EPB41L2: variants seen among roughly 807,000 people sequenced by gnomAD.
The protein encoded by EPB41L2 is band 4.1-like protein 2.
In EPB41L2, 43 loss-of-function variants were observed where a neutral mutation model predicts 113.0. The observed-to-expected ratio is 0.38, with a 90% CI of 0.30 to 0.49. EPB41L2 has a LOEUF of 0.49. Ranked by LOEUF, EPB41L2 falls within the 20% of genes least tolerant of loss-of-function variation. The pLI is 0.95. For missense variants in EPB41L2, 1,147 were observed against 1,223.4 expected (o/e 0.94, Z 0.93); for synonymous variants, 442 against 436.7 (o/e 1.01, Z -0.15).
At chr6:130,891,427 A>AC (rs200852771) in intron 10 of EPB41L2, among the ~76,000 whole-genome samples, 48 of 101,222 alleles carry the variant, frequency 4.7e-4, no homozygotes, top group East Asian at 4.7e-3. Context: ...TTATTTATTT[A>AC]TTTACTTACT....
chr6:130,925,574 C>G (rs1804455928), intron 4 of EPB41L2, among the ~76,000 whole-genome samples: 1 of 152,172 alleles, frequency 6.6e-6, no homozygotes, highest in African/African-American at 2.4e-5. Flanking sequence ...TGTCCCTCTA[C>G]TTTACAAAGA....
chr6:130,907,004 A>G (rs1797925423), intron 5 of EPB41L2, among the ~76,000 whole-genome samples: 2 of 152,168 alleles, frequency 1.3e-5, no homozygotes, highest in Non-Finnish European at 2.9e-5. Flanking sequence ...AAAACATAAG[A>G]ACATGATTCA....
At chr6:130,984,312 A>G (rs771613871) in intron 1 of EPB41L2, among the ~76,000 whole-genome samples, 1 of 152,254 alleles carries the variant, frequency 6.6e-6, no homozygotes, top group Non-Finnish European at 1.5e-5. Context: ...AATGATAAAA[A>G]GTATAGTAAA....
intron 11 of EPB41L2, among the ~76,000 whole-genome samples, chr6:130,885,805 C>T (rs1176929936): frequency 2.6e-5 from 4 of 152,154 alleles, no homozygotes; most frequent in Non-Finnish European, 5.9e-5. Flanking sequence ...ATTTTAACTT[C>T]TATATTTATG....
At chr6:130,939,415 G>A (rs1037491697) in intron 3 of EPB41L2, among the ~76,000 whole-genome samples, 11 of 151,934 alleles carry the variant, frequency 7.2e-5, no homozygotes, top group East Asian at 5.8e-4. Context: ...CACCAAGCCC[G>A]GCTAATTTTT....
Position 130,869,949 on chromosome 6 carries a change from T to G in EPB41L2, c.2221A>C (p.Ser741Arg). ...TCACTCTCACTGCTGCTGCTGCTGC[T>G]CTCAGAAGACAGGGAGGTGGAGTCT... ...QKDSTSLSSESSSSSSESEEE... is the reference protein window; with the variant it reads ...QKDSTSLSSERSSSSSESEEE... The change falls in exon 15 of 20, where the codon AGC becomes CGC. Residue 741 changes from serine (S) to arginine (R), a missense_variant. Coordinates refer to ENST00000337057, the MANE Select transcript of EPB41L2 (RefSeq NM_001431.4). The G allele has an allele frequency of 6.2e-7, 1 of 1,613,468 alleles. No homozygotes were observed. The highest frequency in any genetic ancestry group is 2.2e-5 in the East Asian group (1 of 44,876).
rs186751927 is a variant in EPB41L2, at chr6:130,963,408, T to C, written c.-14-6909A>G. 1.2e-4 allele frequency among the ~76,000 whole-genome samples: 18 copies of C among 152,298 alleles called. No homozygotes were observed. In the East Asian group the frequency reaches 2.9e-3, roughly 24 times the overall value. On this transcript the variant is annotated intron_variant, in intron 1 of 19. Transcript: ENST00000337057. ...TGATGTTCAATTTTTAAAAACCTAA[T>C]ACTTGAGTTAATATTAGTGAGATAA...
chr6:130,869,335 G>A (rs1784889186), intron 15 of EPB41L2, among the ~76,000 whole-genome samples: 1 of 152,178 alleles, frequency 6.6e-6, no homozygotes, highest in Non-Finnish European at 1.5e-5. Context: ...GGTGCTTCTA[G>A]GAAAGTTTAC....
chr6:130,844,880 T>C (rs538578368), intron 19 of EPB41L2, among the ~76,000 whole-genome samples: 1 of 151,464 alleles, frequency 6.6e-6, no homozygotes, highest in Admixed American at 6.6e-5. Flanking sequence ...CAATCTCTAC[T>C]AAAGACATAA....
intron 1 of EPB41L2, among the ~76,000 whole-genome samples, chr6:131,021,191 T>C (rs1789398072): frequency 1.3e-5 from 2 of 152,228 alleles, no homozygotes; most frequent in South Asian, 4.1e-4. Flanking sequence ...AAGGAGCTCA[T>C]GCAGAAGAAT....
At chr6:131,044,479 C>T (rs1366702652) in intron 1 of EPB41L2, among the ~76,000 whole-genome samples, 1 of 152,068 alleles carries the variant, frequency 6.6e-6, no homozygotes, top group African/African-American at 2.4e-5. Context: ...AAAGTAGAAT[C>T]GTGGTAAACA....
chr6:130,939,874 T>A (rs1187266692), intron 3 of EPB41L2, among the ~76,000 whole-genome samples: 2 of 152,230 alleles, frequency 1.3e-5, no homozygotes, highest in Non-Finnish European at 2.9e-5. Flanking sequence ...ATCGTTCAAC[T>A]TTTATTAAGT....
At chr6:130,854,001 G>A (rs997788479) in intron 19 of EPB41L2, among the ~76,000 whole-genome samples, 16 of 152,174 alleles carry the variant, frequency 1.1e-4, no homozygotes, top group African/African-American at 3.1e-4. Context: ...CCAGTGGGGG[G>A]TGGAGATGCC....
rs71030723 is a variant in EPB41L2, at chr6:130,974,717, C to CTTTTTTTTTTTTTTTTTTTT, written c.-14-18238_-14-18219dup. ...GGCAGCCTCTTTTTTCTTTTCTTTT[C>CTTTTTTTTTTTTTTTTTTTT]TTTTTTTTTTTTTTTTTTTTTTTTT... On this transcript the variant is annotated intron_variant, in intron 1 of 19. Transcript: ENST00000337057. Among the ~76,000 whole-genome samples, 44 of 64,658 alleles carry CTTTTTTTTTTTTTTTTTTTT rather than the reference C, an allele frequency of 6.8e-4. 1 individual carries two copies. Among genetic ancestry groups the CTTTTTTTTTTTTTTTTTTTT allele is most frequent in the Admixed American group, 1.2e-3 (5 of 4,152 alleles). 42.4% of individuals were successfully genotyped at this position (64,658 alleles called of 152,430 possible).
chr6:130,959,571 T>G (rs945406620), intron 1 of EPB41L2, among the ~76,000 whole-genome samples: 1 of 152,186 alleles, frequency 6.6e-6, no homozygotes, highest in Non-Finnish European at 1.5e-5. Flanking sequence ...CCACATATTC[T>G]TTGCTGCTTC....
chr6:130,875,790 A>G (rs1787345497), intron 14 of EPB41L2, among the ~76,000 whole-genome samples: 1 of 152,036 alleles, frequency 6.6e-6, no homozygotes, highest in South Asian at 2.1e-4. Flanking sequence ...CGTGGTCAGG[A>G]GTCAAGACCA....
chr6:131,022,633 AGT>A, intron 1 of EPB41L2, among the ~76,000 whole-genome samples: 1 of 152,300 alleles, frequency 6.6e-6, no homozygotes, highest in East Asian at 1.9e-4. Context: ...GTCAAAATTA[AGT>A]GTGGGGTTCA....
chr6:131,028,559 T>C (rs1052936214), intron 1 of EPB41L2, among the ~76,000 whole-genome samples: 4 of 152,200 alleles, frequency 2.6e-5, no homozygotes, highest in African/African-American at 9.7e-5. Flanking sequence ...TAATACTACA[T>C]TGTCTAAGTA....
intron 19 of EPB41L2, among the ~76,000 whole-genome samples, chr6:130,856,635 G>A (rs1306113132): frequency 6.6e-6 from 1 of 152,234 alleles, no homozygotes; most frequent in Non-Finnish European, 1.5e-5. Flanking sequence ...TGCCACGCAA[G>A]GTAGAAAATG....
Sources: allele counts gnomAD v4.1 joint callset (sites outside exome capture counted in the v4.1 genomes callset), GRCh38; gene constraint gnomAD v4.1.1; transcripts MANE v1.5; gene names NCBI Gene and HGNC (gene_info 2026-07-23, HGNC 2026-07-21).